The following MAK variants were observed in gnomAD, a reference collection of about 807,000 sequenced individuals.
MAK encodes serine/threonine-protein kinase MAK.
In MAK, 65 loss-of-function variants were observed where a neutral mutation model predicts 82.6. That is an observed-to-expected ratio of 0.79 (90% CI 0.64 to 0.97). The LOEUF is 0.97. Among genes scored for constraint, MAK ranks in the 50% least tolerant of loss-of-function variants. The pLI is 0.00. For missense variants in MAK, 703 were observed against 780.2 expected, an observed-to-expected ratio of 0.90 and a Z score of 1.18; for synonymous variants, 250 against 274.2, an observed-to-expected ratio of 0.91 and a Z score of 0.87.
intron 14 of MAK, among the ~76,000 whole-genome samples, chr6:10,767,078 C>T (rs945828457): frequency 3.4e-5 from 5 of 148,582 alleles, no homozygotes; most frequent in Non-Finnish European, 5.9e-5. Context: ...TGGGACCACC[C>T]CACACCTCAC....
chr6:10,771,437 C>T lies in MAK; in HGVS notation c.1673-1207G>A, dbSNP rs6916775. Among the ~76,000 whole-genome samples the T allele has an allele frequency of 7.1e-3, 1,075 of 152,314 alleles. 7 individuals carry two copies. The highest frequency in any genetic ancestry group is 0.023 in the African/African-American group (965 of 41,564). On this transcript the variant is annotated intron_variant, in intron 13 of 14. Transcript: ENST00000354489. ...GGATGTCAAGATCTAGCAGGAGCTG[C>T]TGCACTGGCAGGAAGCAGACTGAAG... is the stretch of plus-strand genomic sequence containing the variant.
intron 14 of MAK, among the ~76,000 whole-genome samples, chr6:10,765,096 CAAAA>C (rs35882467): frequency 7.3e-6 from 1 of 137,274 alleles, no homozygotes. Context: ...AACTCCATCT[CAAAA>C]AAAAAAAAAA....
At chr6:10,797,929 A>G (rs1775691578) in intron 8 of MAK, 2 of 1,247,782 alleles carry the variant, frequency 1.6e-6, no homozygotes, top group African/African-American at 3.1e-5. Flanking sequence ...TTCTCAGTGG[A>G]ATACACAAAT....
At chr6:10,801,832 C>T (rs1170675780) in intron 8 of MAK, 60 bp downstream of exon 8, 3 of 1,522,940 alleles carry the variant, frequency 2.0e-6, no homozygotes, top group Non-Finnish European at 2.7e-6. Context: ...TAAATGAAAA[C>T]ATCCCTGATA....
At position 10,789,490 on chromosome 6, in the gene MAK, A is replaced by G. The variant is rs561909144; in HGVS notation, c.1316+2185T>C. On this transcript the variant is annotated intron_variant, in intron 10 of 14. Transcript: ENST00000354489. ...GAGGATGCCTGAAACCACAGATAGT[A>G]TCAAACCCTATACAGCCCATCTTTT... Among the ~76,000 whole-genome samples, 4 of 152,320 alleles carry G rather than the reference A, an allele frequency of 2.6e-5. No individual in the cohort carries two copies. In the South Asian group the frequency reaches 8.3e-4, roughly 32 times the overall value.
intron 4 of MAK, among the ~76,000 whole-genome samples, chr6:10,814,976 G>A: frequency 6.6e-6 from 1 of 151,794 alleles, no homozygotes; most frequent in East Asian, 1.9e-4. Flanking sequence ...GGTGGAGGTT[G>A]CAGTGAGCTG....
intron 11 of MAK, among the ~76,000 whole-genome samples, chr6:10,779,860 T>C (rs938622517): frequency 1.3e-5 from 2 of 152,186 alleles, no homozygotes; most frequent in Admixed American, 6.5e-5. Flanking sequence ...AATTTTTTTG[T>C]ATTTTTAGTA....
chr6:10,816,644 C>T (rs1157993637), intron 4 of MAK, among the ~76,000 whole-genome samples: 1 of 152,102 alleles, frequency 6.6e-6, no homozygotes, highest in Non-Finnish European at 1.5e-5. Context: ...CACATACACA[C>T]AATTTGGTTT....
At chr6:10,794,407 G>A (rs910037854) in intron 9 of MAK, among the ~76,000 whole-genome samples, 1 of 152,188 alleles carries the variant, frequency 6.6e-6, no homozygotes, top group Non-Finnish European at 1.5e-5. Context: ...CATTCCAGAG[G>A]AAGAGACAAA....
At position 10,763,216 on chromosome 6, in the gene MAK, G is replaced by C. The variant is rs1249279852; in HGVS notation, c.*1236C>G. ...GCACTTGCTTCAGAGCAAATGTGAA[G>C]GTCAGAGCTGAGTCAGTGGTCAGCA... On this transcript the variant is annotated 3_prime_UTR_variant, in exon 15 of 15. Transcript: ENST00000354489. 1 of 152,646 alleles carries C rather than the reference G, an allele frequency of 6.6e-6. No homozygotes were observed. The highest frequency in any genetic ancestry group is 2.4e-5 in the African/African-American group (1 of 41,468). The allele number at this position is 152,646 out of a possible 1,614,324, so 9.5% of individuals were successfully genotyped here.
chr6:10,837,307 A>G (rs1469062268), intron 1 of MAK, among the ~76,000 whole-genome samples: 2 of 152,290 alleles, frequency 1.3e-5, no homozygotes, highest in Non-Finnish European at 2.9e-5. Context: ...CAATGGGAAA[A>G]CAAAGACTGT....
chr6:10,806,504 AATTTTTTT>A (rs1438181052), intron 6 of MAK, among the ~76,000 whole-genome samples: 5 of 85,430 alleles, frequency 5.9e-5, no homozygotes, highest in African/African-American at 2.1e-4. Flanking sequence ...ACACCCGTCT[AATTTTTTT>A]TTTTTTTTTT....
At chr6:10,779,246 G>A in intron 11 of MAK, 1 of 758,566 alleles carries the variant, frequency 1.3e-6, no homozygotes, top group Non-Finnish European at 1.6e-6. Flanking sequence ...TGAGACCAGA[G>A]GGCACTGCTG....
Position 10,796,698 on chromosome 6 carries a change from C to T in MAK, c.832-389G>A, listed in dbSNP as rs114658385. On this transcript the variant is annotated intron_variant, in intron 8 of 14. Coordinates refer to ENST00000354489, the MANE Select transcript of MAK (RefSeq NM_001242957.3). ...GTGGATGCCTGTAACCCCAGTTATA[C>T]GGGAGGGTGAGGCATGAGAATCGCT... Among the ~76,000 whole-genome samples the T allele has an allele frequency of 7.0e-3, 1,049 of 150,674 alleles. 17 individuals are homozygous for T. Among genetic ancestry groups the T allele is most frequent in the African/African-American group, 0.024 (978 of 40,944 alleles).
At chr6:10,814,416 A>G (rs1581741140) in intron 4 of MAK, among the ~76,000 whole-genome samples, 1 of 151,792 alleles carries the variant, frequency 6.6e-6, no homozygotes, top group South Asian at 2.1e-4. Context: ...TGCCTATAAT[A>G]CCAGCACTTT....
intron 9 of MAK, among the ~76,000 whole-genome samples, chr6:10,794,949 A>T (rs559722014): frequency 2.4e-4 from 37 of 151,758 alleles, no homozygotes; most frequent in African/African-American, 8.0e-4. Flanking sequence ...CTGAGATCAC[A>T]CCATTGCACT....
chr6:10,819,074 A>T (rs1777722830), intron 2 of MAK, 134 bp from the exon 3 acceptor site: 1 of 674,982 alleles, frequency 1.5e-6, no homozygotes, highest in Admixed American at 2.1e-5. Context: ...CCTTATAAGG[A>T]AATCACCTCC....
intron 1 of MAK, among the ~76,000 whole-genome samples, chr6:10,834,684 A>G (rs1233222705): frequency 6.6e-6 from 1 of 152,208 alleles, no homozygotes; most frequent in Non-Finnish European, 1.5e-5. Context: ...CATTCAGACC[A>G]GTGAAAAATA....
At chr6:10,765,096 CAAA>C (rs35882467) in intron 14 of MAK, among the ~76,000 whole-genome samples, 10 of 137,268 alleles carry the variant, frequency 7.3e-5, no homozygotes, top group Admixed American at 1.5e-4. Context: ...AACTCCATCT[CAAA>C]AAAAAAAAAA....
Sources: gnomAD v4.1 joint callset for allele counts (sites outside exome capture counted in the v4.1 genomes callset) on GRCh38, gnomAD v4.1.1 for gene constraint, MANE v1.5 for transcripts, NCBI Gene and HGNC (gene_info 2026-07-23, HGNC 2026-07-21) for gene names.